Variants in PGPEP1L observed in about 807,000 individuals in gnomAD.
PGPEP1L encodes the protein pyroglutamyl-peptidase I like.
In PGPEP1L, 7 loss-of-function variants were observed where a neutral mutation model predicts 6.0. The ratio of observed to expected loss-of-function variants is 1.17; its 90% confidence interval spans 0.66 to 2.19. PGPEP1L has a LOEUF of 2.19. PGPEP1L is among the 30% of genes most tolerant of loss of function. PGPEP1L has a pLI of 0.00. For synonymous variants in PGPEP1L, 103 were observed against 83.9 expected (o/e 1.23, Z -1.24); for missense variants, 209 against 192.5 (o/e 1.09, Z -0.51).
rs1393033445 is a variant in PGPEP1L at position 99,005,427 on chromosome 15, A to AC, written c.-142+1dup. Reference sequence around the variant, plus strand: ...GGAGAGAAAAAAATTATGTAGTCTTACCAGTCACCACCACGCAGCTGGGCT... The same window carrying AC: ...GGAGAGAAAAAAATTATGTAGTCTTACCCAGTCACCACCACGCAGCTGGGCT... On this transcript the variant is annotated splice_donor_variant, in intron 2 of 4. Transcript: ENST00000535714. LOFTEE classifies it low-confidence loss of function (5UTR_SPLICE). The AC allele has an allele frequency of 5.9e-5, 9 of 152,582 alleles. No homozygotes were observed. The highest frequency in any genetic ancestry group is 1.2e-4 in the African/African-American group (5 of 41,480). 9.5% of individuals were successfully genotyped at this position (152,582 alleles called of 1,614,324 possible). A position where few individuals can be genotyped will look rare whatever the true frequency, so the allele number is the denominator to read the frequency against.
At chr15:98,978,636 CTG>C (rs1176343296) in intron 2 of PGPEP1L, among the ~76,000 whole-genome samples, 1 of 151,288 alleles carries the variant, frequency 6.6e-6, no homozygotes, top group Non-Finnish European at 1.5e-5. Context: ...AGACATTCTG[CTG>C]CCCTAAGTAA....
At chr15:98,984,880 G>T (rs1351840346) in intron 2 of PGPEP1L, among the ~76,000 whole-genome samples, 3 of 152,110 alleles carry the variant, frequency 2.0e-5, no homozygotes, top group Admixed American at 2.0e-4. Context: ...AGCAAGGACG[G>T]TGGAGAAGAC....
chr15:98,996,906 G>C (rs1455221178), intron 2 of PGPEP1L, among the ~76,000 whole-genome samples: 21 of 152,120 alleles, frequency 1.4e-4, no homozygotes, highest in Admixed American at 1.4e-3. Flanking sequence ...TGCCCCACCT[G>C]GTTCTAAGGG....
chr15:98,982,898 A>G (rs2312492), intron 2 of PGPEP1L, among the ~76,000 whole-genome samples: 139,333 of 151,488 alleles, frequency 0.92, 64,155 homozygotes, highest in South Asian at 0.94. Context: ...TTTAGTAGAC[A>G]CAGGGTCTCA....
chr15:98,969,320 G>C (rs1184005282), intron 4 of PGPEP1L, 105 bp downstream of exon 4: 1 of 1,435,362 alleles, frequency 7.0e-7, no homozygotes. Flanking sequence ...GCATGGCCAA[G>C]TGGCCAGCTG....
At chr15:98,992,502 T>G (rs1270931354) in intron 2 of PGPEP1L, among the ~76,000 whole-genome samples, 5 of 152,150 alleles carry the variant, frequency 3.3e-5, no homozygotes, top group Non-Finnish European at 5.9e-5. Context: ...GAATCAATAT[T>G]GTGAAAATGG....
At chr15:99,006,798 T>C (rs546297443) in intron 1 of PGPEP1L, among the ~76,000 whole-genome samples, 14 of 151,876 alleles carry the variant, frequency 9.2e-5, no homozygotes, top group African/African-American at 3.4e-4. Flanking sequence ...ACCCTGTCTC[T>C]AAAAATATTC....
At chr15:98,979,458 T>C (rs2017623162) in intron 2 of PGPEP1L, among the ~76,000 whole-genome samples, 1 of 152,128 alleles carries the variant, frequency 6.6e-6, no homozygotes, top group African/African-American at 2.4e-5. Context: ...AGTGTGGTTA[T>C]TTAATAAGTG....
chr15:98,996,835 C>G (rs782184816), intron 2 of PGPEP1L, among the ~76,000 whole-genome samples: 3 of 152,102 alleles, frequency 2.0e-5, no homozygotes, highest in Non-Finnish European at 4.4e-5. Flanking sequence ...CAGCTAAGAA[C>G]CTTGACTCAT....
At chr15:98,980,855 C>G (rs1305467027) in intron 2 of PGPEP1L, among the ~76,000 whole-genome samples, 1 of 151,818 alleles carries the variant, frequency 6.6e-6, no homozygotes, top group Non-Finnish European at 1.5e-5. Flanking sequence ...TTGCTCGAAC[C>G]TGGGGGGCAG....
chr15:98,989,233 T>C (rs575643093), intron 2 of PGPEP1L, among the ~76,000 whole-genome samples: 3 of 152,194 alleles, frequency 2.0e-5, no homozygotes, highest in Non-Finnish European at 2.9e-5. Flanking sequence ...GCTAAGAACC[T>C]TGAAAAAAGG....
chr15:98,986,853 G>A (rs1596520858), intron 2 of PGPEP1L, among the ~76,000 whole-genome samples: 1 of 152,114 alleles, frequency 6.6e-6, no homozygotes, highest in South Asian at 2.1e-4. Context: ...CATCAGGAAT[G>A]GATAAATATG....
intron 2 of PGPEP1L, among the ~76,000 whole-genome samples, chr15:98,978,192 G>GA (rs1389283044): frequency 1.3e-5 from 2 of 152,344 alleles, no homozygotes; most frequent in East Asian, 3.9e-4. Flanking sequence ...TGCAAGAGAG[G>GA]AAACACAGCA....
chr15:98,995,545 A>C (rs1332994334), intron 2 of PGPEP1L, among the ~76,000 whole-genome samples: 2 of 152,102 alleles, frequency 1.3e-5, no homozygotes, highest in East Asian at 3.9e-4. Context: ...TAAAAATATA[A>C]AAATTAGCTG....
intron 2 of PGPEP1L, among the ~76,000 whole-genome samples, chr15:98,997,107 G>A (rs1453912171): frequency 2.0e-5 from 3 of 152,064 alleles, no homozygotes; most frequent in Non-Finnish European, 4.4e-5. Context: ...GATCATCGAG[G>A]ATTTGGCAAA....
chr15:99,007,487 GATGCTCGCATGTGT>G lies in PGPEP1L; in HGVS notation c.-512_-499del, dbSNP rs2018096965. Reference sequence around the variant, plus strand: ...AGCGTGTCCCAAGTTTGTTTCTTCTGATGCTCGCATGTGTTCGGAGTTTCTTCCTTCTGGCAGAT... The same window carrying G: ...AGCGTGTCCCAAGTTTGTTTCTTCTGTCGGAGTTTCTTCCTTCTGGCAGAT... On this transcript the variant is annotated 5_prime_UTR_variant, in exon 1 of 5. An upstream start codon of the reference 5' UTR is lost. Transcript: ENST00000535714. The G allele has an allele frequency of 2.0e-5, 3 of 152,244 alleles. No individual in the cohort carries two copies. Among genetic ancestry groups the G allele is most frequent in the Admixed American group, 6.5e-5 (1 of 15,284 alleles). The allele number at this position is 152,244 out of a possible 1,614,324, so 9.4% of individuals were successfully genotyped here. A position where few individuals can be genotyped will look rare whatever the true frequency, so the allele number is the denominator to read the frequency against.
intron 2 of PGPEP1L, among the ~76,000 whole-genome samples, chr15:98,980,364 G>GA (rs2017640453): frequency 2.6e-5 from 4 of 152,136 alleles, no homozygotes; most frequent in African/African-American, 4.8e-5. Flanking sequence ...GGTTTCAGGA[G>GA]GAGACAGACT....
At chr15:98,972,361 A>AATAAATAC (rs1330359197) in intron 2 of PGPEP1L, among the ~76,000 whole-genome samples, 14 of 147,692 alleles carry the variant, frequency 9.5e-5, no homozygotes, top group African/African-American at 3.5e-4. Context: ...CTCAAAAATA[A>AATAAATAC]ATAAATAAAT....
intron 2 of PGPEP1L, among the ~76,000 whole-genome samples, chr15:98,985,669 G>A (rs900173335): frequency 6.6e-6 from 1 of 152,316 alleles, no homozygotes; most frequent in African/African-American, 2.4e-5. Flanking sequence ...CCCTCACCAG[G>A]ACCAACTGAG....
Sources: allele counts gnomAD v4.1 joint callset (sites outside exome capture counted in the v4.1 genomes callset), GRCh38; gene constraint gnomAD v4.1.1; transcripts MANE v1.5; gene names NCBI Gene and HGNC (gene_info 2026-07-23, HGNC 2026-07-21).